The following FBN2 variants were observed in gnomAD, a reference collection of about 807,000 sequenced individuals.
FBN2 encodes the protein fibrillin 2.
FBN2 carries 105 observed loss-of-function variants against 355.6 expected under a neutral mutation model. The observed-to-expected ratio is 0.30, with a 90% CI of 0.25 to 0.35. The LOEUF (loss-of-function observed/expected upper bound fraction) is 0.35. Ranked by LOEUF, FBN2 falls within the 10% of genes least tolerant of loss-of-function variation. FBN2 has a pLI of 1.00. For missense variants in FBN2, 3,280 were observed against 3,758.7 expected (o/e 0.87, Z 3.33); for synonymous variants, 1,350 against 1,301.2 (o/e 1.04, Z -0.81).
chr5:128,395,621 T>C (rs1051767288), intron 8 of FBN2, among the ~76,000 whole-genome samples: 1 of 152,230 alleles, frequency 6.6e-6, no homozygotes, highest in Admixed American at 6.5e-5. Context: ...ATCTGACTGA[T>C]GATTTTATAA....
At chr5:128,470,884 T>C (rs528730447) in intron 5 of FBN2, among the ~76,000 whole-genome samples, 2 of 152,314 alleles carry the variant, frequency 1.3e-5, no homozygotes, top group East Asian at 1.9e-4. Context: ...TTAATGTAAA[T>C]GTCATTCCCT....
At chr5:128,436,051 A>T (rs985087618) in intron 7 of FBN2, among the ~76,000 whole-genome samples, 2 of 152,160 alleles carry the variant, frequency 1.3e-5, no homozygotes, top group African/African-American at 4.8e-5. Flanking sequence ...TCCCCATGAA[A>T]TATGGCTGTT....
intron 7 of FBN2, among the ~76,000 whole-genome samples, chr5:128,415,291 C>T (rs1753165828): frequency 6.6e-6 from 1 of 152,132 alleles, no homozygotes; most frequent in African/African-American, 2.4e-5. Context: ...TTATGAAACA[C>T]TGGAACTTAT....
At chr5:128,525,652 A>G (rs1357975116) in intron 4 of FBN2, among the ~76,000 whole-genome samples, 12 of 152,030 alleles carry the variant, frequency 7.9e-5, no homozygotes, top group Non-Finnish European at 1.8e-4. Context: ...TTCACCCTCC[A>G]TTTCTCAAAC....
chr5:128,285,871 A>G (rs1250555286), intron 55 of FBN2, among the ~76,000 whole-genome samples: 1 of 152,258 alleles, frequency 6.6e-6, no homozygotes, highest in Non-Finnish European at 1.5e-5. Context: ...ACACATTTTT[A>G]AGTATTTTAG....
At chr5:128,397,244 G>T (rs1400197251) in intron 8 of FBN2, among the ~76,000 whole-genome samples, 16 of 152,052 alleles carry the variant, frequency 1.1e-4, no homozygotes, top group Non-Finnish European at 2.9e-5. Flanking sequence ...AACAATTTTT[G>T]GAATATTCAT....
chr5:128,304,295 T>C (rs1749803187), intron 45 of FBN2, among the ~76,000 whole-genome samples: 1 of 152,226 alleles, frequency 6.6e-6, no homozygotes, highest in Non-Finnish European at 1.5e-5. Context: ...TAAGGGGTTA[T>C]ACTCAGTCCC....
At chr5:128,259,963 T>A in intron 64 of FBN2, 134 bp from the exon 65 acceptor site, 1 of 866,252 alleles carries the variant, frequency 1.2e-6, no homozygotes, top group South Asian at 1.4e-5. Flanking sequence ...GCACTCTCCT[T>A]ACCAGCAGTG....
Position 128,258,344 on chromosome 5 carries a change from G to T in FBN2, c.*1111C>A, listed in dbSNP as rs886059884. ...GCTATGATAAAATGAGGCATATGGT[G>T]TATAACTACAGTATTAATGAAAATT... On this transcript the variant is annotated 3_prime_UTR_variant, in exon 65 of 65. Coordinates refer to ENST00000262464, the MANE Select transcript of FBN2 (RefSeq NM_001999.4). 6.6e-6 allele frequency: 1 copy of T among 152,440 alleles called. No individual in the cohort carries two copies. The highest frequency in any genetic ancestry group is 1.5e-5 in the Non-Finnish European group (1 of 68,028). The allele number at this position is 152,440 out of a possible 1,614,324, so 9.4% of individuals were successfully genotyped here.
intron 7 of FBN2, among the ~76,000 whole-genome samples, chr5:128,441,311 C>G (rs532062756): frequency 6.6e-6 from 1 of 152,178 alleles, no homozygotes; most frequent in African/African-American, 2.4e-5. Flanking sequence ...CCATGAGTTT[C>G]CCCGTCAGTG....
intron 42 of FBN2, among the ~76,000 whole-genome samples, 195 bp from the exon 43 acceptor site, chr5:128,306,143 A>T (rs1749869330): frequency 6.6e-6 from 1 of 152,202 alleles, no homozygotes; most frequent in South Asian, 2.1e-4. Context: ...GTGATGGAAA[A>T]AATCTAAGTA....
At chr5:128,300,424 A>T in intron 48 of FBN2, among the ~76,000 whole-genome samples, 1 of 152,248 alleles carries the variant, frequency 6.6e-6, no homozygotes, top group Admixed American at 6.5e-5. Flanking sequence ...ATGTCTCAAC[A>T]GCATTGTCGA....
chr5:128,261,456 T>C (rs995557781), intron 64 of FBN2, among the ~76,000 whole-genome samples: 57 of 152,330 alleles, frequency 3.7e-4, no homozygotes, highest in East Asian at 3.1e-3. Flanking sequence ...AAATAGCTCT[T>C]CCCGAGATGG....
At chr5:128,501,835 A>C (rs562905421) in intron 5 of FBN2, among the ~76,000 whole-genome samples, 22 of 152,296 alleles carry the variant, frequency 1.4e-4, no homozygotes, top group African/African-American at 5.3e-4. Context: ...TAAAGATCAA[A>C]AGAAGTAAAG....
intron 6 of FBN2, among the ~76,000 whole-genome samples, chr5:128,458,294 C>G (rs1293624923): frequency 6.6e-6 from 1 of 151,908 alleles, no homozygotes; most frequent in South Asian, 2.1e-4. Context: ...CATAAAAGCA[C>G]CCAGATTCAT....
At chr5:128,316,062 A>C (rs1234415615) in intron 36 of FBN2, among the ~76,000 whole-genome samples, 1 of 152,170 alleles carries the variant, frequency 6.6e-6, no homozygotes, top group Non-Finnish European at 1.5e-5. Flanking sequence ...GTAAGTAAAA[A>C]CTTCTAAATT....
At chr5:128,495,620 C>T (rs1467548452) in intron 5 of FBN2, among the ~76,000 whole-genome samples, 1 of 151,910 alleles carries the variant, frequency 6.6e-6, no homozygotes, top group African/African-American at 2.4e-5. Flanking sequence ...TGACCTAATG[C>T]AATCAGAAAG....
rs527944843 is a variant in FBN2, at chr5:128,336,086, T to C, written c.3626A>G (p.Asn1209Ser). 1.5e-5 allele frequency: 24 copies of C among 1,613,520 alleles called. No individual in the cohort carries two copies. The East Asian group carries it at 2.7e-4, about 18-fold the overall frequency. ...VDINECSLSD[N>S]LCRNGKCVNM... ...CACACATTTTCCATTTCTGCAGAGA[T>C]TGTCACTCAGGGAGCATTCATTAAT... The change falls in exon 28 of 65, where the codon AAT becomes AGT. Residue 1209 changes from asparagine to serine, a missense_variant. Around this residue, in one of 6 missense-constraint regions of FBN2, gnomAD observed 2,284 missense variants for 2,749.5 expected, o/e 0.83. Transcript: ENST00000262464.
At chr5:128,503,366 T>TAA (rs1755866932) in intron 5 of FBN2, among the ~76,000 whole-genome samples, 1 of 152,110 alleles carries the variant, frequency 6.6e-6, no homozygotes, top group Non-Finnish European at 1.5e-5. Context: ...GGTGGTGCTG[T>TAA]AAAGACACCT....
Sources: allele counts gnomAD v4.1 joint callset (sites outside exome capture counted in the v4.1 genomes callset), GRCh38; gene constraint gnomAD v4.1.1; regional missense constraint gnomAD v4.1.1; transcripts MANE v1.5; gene names NCBI Gene and HGNC (gene_info 2026-07-23, HGNC 2026-07-21).